TAFA1: variants seen among roughly 807,000 people sequenced by gnomAD.
TAFA1 encodes the protein chemokine-like protein TAFA-1.
TAFA1 carries 4 observed loss-of-function variants against 18.5 expected under a neutral mutation model. The observed-to-expected ratio is 0.22, with a 90% CI of 0.11 to 0.49. TAFA1 has a LOEUF of 0.49. TAFA1 is among the 20% of genes least tolerant of loss of function. The pLI, the probability that TAFA1 is intolerant of heterozygous loss-of-function variation, is 0.98. For synonymous variants in TAFA1, 56 were observed against 55.2 expected, an observed-to-expected ratio of 1.01 and a Z score of -0.06; for missense variants, 147 against 169.0, an observed-to-expected ratio of 0.87 and a Z score of 0.72.
chr3:68,140,087 C>T (rs1465340635), intron 2 of TAFA1, among the ~76,000 whole-genome samples: 1 of 152,202 alleles, frequency 6.6e-6, no homozygotes, highest in Non-Finnish European at 1.5e-5. Context: ...GCATCTCAAA[C>T]TGCAGTGAAG....
At chr3:68,274,589 TG>T (rs1206820638) in intron 2 of TAFA1, among the ~76,000 whole-genome samples, 1 of 152,174 alleles carries the variant, frequency 6.6e-6, no homozygotes. Context: ...TGAATTGCTG[TG>T]GGAAGCAATA....
intron 3 of TAFA1, among the ~76,000 whole-genome samples, chr3:68,449,228 G>A (rs997895840): frequency 1.3e-5 from 2 of 152,178 alleles, no homozygotes; most frequent in African/African-American, 2.4e-5. Flanking sequence ...ATTAGGCAAA[G>A]AAAGAAGTAT....
intron 2 of TAFA1, among the ~76,000 whole-genome samples, chr3:68,304,424 C>T (rs994295979): frequency 6.6e-6 from 1 of 152,106 alleles, no homozygotes; most frequent in Non-Finnish European, 1.5e-5. Flanking sequence ...CTATATTTTT[C>T]AGTATGGAAG....
chr3:68,461,142 C>T (rs185616645), intron 3 of TAFA1, among the ~76,000 whole-genome samples: 6 of 151,712 alleles, frequency 4.0e-5, no homozygotes, highest in Admixed American at 2.0e-4. Context: ...ATTAGCTGGG[C>T]GTTGTGATGC....
chr3:68,048,869 A>G (rs907034579), intron 2 of TAFA1, among the ~76,000 whole-genome samples: 2 of 152,150 alleles, frequency 1.3e-5, no homozygotes, highest in African/African-American at 4.8e-5. Flanking sequence ...CTGTTGATGT[A>G]CACTGAGGTT....
intron 2 of TAFA1, among the ~76,000 whole-genome samples, chr3:68,410,090 G>C (rs1009376933): frequency 1.4e-4 from 22 of 152,104 alleles, no homozygotes; most frequent in African/African-American, 4.8e-4. Context: ...AACTTCTCCA[G>C]CTCAGAGTTG....
At chr3:68,125,878 C>T (rs1269381073) in intron 2 of TAFA1, among the ~76,000 whole-genome samples, 1 of 152,088 alleles carries the variant, frequency 6.6e-6, no homozygotes. Flanking sequence ...GCAACCTTCA[C>T]CAATGGAGAT....
intron 2 of TAFA1, among the ~76,000 whole-genome samples, chr3:68,363,884 A>AT (rs1186954735): frequency 6.6e-6 from 1 of 152,148 alleles, no homozygotes; most frequent in Non-Finnish European, 1.5e-5. Flanking sequence ...CATTGCGAAC[A>AT]TAAGTTTTTA....
chr3:68,097,562 C>T (rs901743492), intron 2 of TAFA1, among the ~76,000 whole-genome samples: 2 of 151,918 alleles, frequency 1.3e-5, no homozygotes, highest in South Asian at 2.1e-4. Flanking sequence ...GAATCCATGT[C>T]GATTTAATGA....
intron 3 of TAFA1, among the ~76,000 whole-genome samples, chr3:68,490,582 T>G (rs1013492109): frequency 6.6e-6 from 1 of 152,166 alleles, no homozygotes; most frequent in South Asian, 2.1e-4. Context: ...AACTAAAACT[T>G]TCTTCTATTA....
At chr3:68,210,556 G>A (rs1237110904) in intron 2 of TAFA1, among the ~76,000 whole-genome samples, 1 of 151,990 alleles carries the variant, frequency 6.6e-6, no homozygotes, top group Non-Finnish European at 1.5e-5. Flanking sequence ...AATCTGTTTT[G>A]ATGTGCAATA....
intron 2 of TAFA1, among the ~76,000 whole-genome samples, chr3:68,126,581 C>T (rs889556849): frequency 2.0e-5 from 3 of 152,210 alleles, no homozygotes; most frequent in African/African-American, 7.2e-5. Context: ...AAGTCAGCTA[C>T]AATCATTGAT....
At chr3:68,018,344 C>T (rs1252033511) in intron 2 of TAFA1, among the ~76,000 whole-genome samples, 2 of 152,130 alleles carry the variant, frequency 1.3e-5, no homozygotes, top group African/African-American at 2.4e-5. Context: ...TTATTGTTAT[C>T]TTTGTGCAAT....
At chr3:68,352,291 GCATGCAGTACACAT>G (rs1559629700) in intron 2 of TAFA1, among the ~76,000 whole-genome samples, 2 of 151,850 alleles carry the variant, frequency 1.3e-5, no homozygotes, top group African/African-American at 4.8e-5. Flanking sequence ...GTTTATTAAC[GCATGCAGTACACAT>G]CATGCAGGGG....
At chr3:68,297,012 G>A (rs2068219224) in intron 2 of TAFA1, among the ~76,000 whole-genome samples, 1 of 152,072 alleles carries the variant, frequency 6.6e-6, no homozygotes, top group African/African-American at 2.4e-5. Flanking sequence ...AGAGAAGAAG[G>A]GTGGATCTTG....
intron 2 of TAFA1, among the ~76,000 whole-genome samples, chr3:68,071,083 C>A (rs973484111): frequency 8.5e-5 from 13 of 152,232 alleles, no homozygotes; most frequent in African/African-American, 3.1e-4. Context: ...GTCCCCCATT[C>A]TCCTGGTCCC....
chr3:68,153,080 TCTCA>T (rs1232712377), intron 2 of TAFA1, among the ~76,000 whole-genome samples: 1 of 152,130 alleles, frequency 6.6e-6, no homozygotes, highest in Non-Finnish European at 1.5e-5. Flanking sequence ...TGAATGTCCT[TCTCA>T]CTCATGAATG....
At chr3:68,495,354 C>G (rs150817798) in intron 3 of TAFA1, among the ~76,000 whole-genome samples, 3 of 152,292 alleles carry the variant, frequency 2.0e-5, no homozygotes, top group African/African-American at 7.2e-5. Context: ...CTTCTTTTCT[C>G]TGTTTTGCAG....
intron 2 of TAFA1, among the ~76,000 whole-genome samples, chr3:68,175,468 A>G (rs2066111556): frequency 6.6e-6 from 1 of 152,304 alleles, no homozygotes; most frequent in East Asian, 1.9e-4. Flanking sequence ...CACCTCTTGC[A>G]TCAGTGTGAC....
Sources: gnomAD v4.1 joint callset for allele counts (sites outside exome capture counted in the v4.1 genomes callset) on GRCh38, gnomAD v4.1.1 for gene constraint, MANE v1.5 for transcripts, NCBI Gene and HGNC (gene_info 2026-07-23, HGNC 2026-07-21) for gene names.